CTIF: variants seen among roughly 807,000 people sequenced by gnomAD.
The protein encoded by CTIF is CBP80/20-dependent translation initiation factor.
In CTIF, 21 loss-of-function variants were observed where a neutral mutation model predicts 66.0. The ratio of observed to expected loss-of-function variants is 0.32; its 90% CI spans 0.23 to 0.46. The LOEUF (loss-of-function observed/expected upper bound fraction) is 0.46. Among genes scored for constraint, CTIF ranks in the 20% least tolerant of loss-of-function variants. The pLI is 1.00. For synonymous variants in CTIF, 345 were observed against 326.4 expected (o/e 1.06, Z -0.62); for missense variants, 739 against 812.7 (o/e 0.91, Z 1.10).
At chr18:48,546,892 G>C (rs2088764703) in intron 1 of CTIF, among the ~76,000 whole-genome samples, 1 of 152,158 alleles carries the variant, frequency 6.6e-6, no homozygotes, top group Admixed American at 6.5e-5. Flanking sequence ...GAGACCTCAG[G>C]CCTGTTAGAG....
At chr18:48,642,272 T>A (rs2090948434) in intron 3 of CTIF, among the ~76,000 whole-genome samples, 1 of 152,114 alleles carries the variant, frequency 6.6e-6, no homozygotes, top group South Asian at 2.1e-4. Context: ...CAAAGAGATG[T>A]CATCCTGGCC....
intron 2 of CTIF, among the ~76,000 whole-genome samples, chr18:48,623,865 ATGGATGGATGGC>A (rs1261833183): frequency 6.7e-6 from 1 of 148,820 alleles, no homozygotes; most frequent in African/African-American, 2.5e-5. Context: ...GGATGGATGG[ATGGATGGATGGC>A]TGGCTGGCTG....
chr18:48,718,371 C>T (rs1280582803), intron 7 of CTIF, among the ~76,000 whole-genome samples: 1 of 152,156 alleles, frequency 6.6e-6, no homozygotes, highest in African/African-American at 2.4e-5. Flanking sequence ...GGAATTGGCT[C>T]ATGAGATTAT....
chr18:48,644,000 A>T (rs1041245608), intron 3 of CTIF, among the ~76,000 whole-genome samples: 4 of 152,186 alleles, frequency 2.6e-5, no homozygotes, highest in Admixed American at 6.5e-5. Context: ...ATTAATAAAA[A>T]AGTTCTTTCT....
chr18:48,607,746 T>C (rs1304465006), intron 1 of CTIF, among the ~76,000 whole-genome samples: 5 of 152,154 alleles, frequency 3.3e-5, no homozygotes, highest in Non-Finnish European at 7.4e-5. Context: ...CTTTCCTCCC[T>C]TGAGACACTG....
intron 1 of CTIF, among the ~76,000 whole-genome samples, chr18:48,555,070 C>T (rs753269749): frequency 1.3e-5 from 2 of 152,132 alleles, no homozygotes; most frequent in Non-Finnish European, 1.5e-5. Flanking sequence ...TCCTGGCTTC[C>T]CTTCTCTGTA....
chr18:48,711,844 CTGGG>C, intron 7 of CTIF, 149 bp downstream of exon 7: 1 of 671,364 alleles, frequency 1.5e-6, no homozygotes, highest in Admixed American at 2.3e-5. Context: ...TGGTTACTGG[CTGGG>C]GATTCCCCAG....
At chr18:48,716,537 G>C (rs1598916671) in intron 7 of CTIF, among the ~76,000 whole-genome samples, 1 of 151,950 alleles carries the variant, frequency 6.6e-6, no homozygotes, top group Non-Finnish European at 1.5e-5. Flanking sequence ...AGCAGGCTCT[G>C]GAGCCAGGGA....
chr18:48,590,721 T>C (rs952592256), intron 1 of CTIF, among the ~76,000 whole-genome samples: 1 of 152,142 alleles, frequency 6.6e-6, no homozygotes, highest in African/African-American at 2.4e-5. Context: ...AGCACGCAAA[T>C]TGGGAAAAAG....
At chr18:48,689,648 G>T (rs928102896) in intron 6 of CTIF, among the ~76,000 whole-genome samples, 1 of 152,208 alleles carries the variant, frequency 6.6e-6, no homozygotes, top group African/African-American at 2.4e-5. Flanking sequence ...GCCCCTTTCA[G>T]TCTGCACTGA....
intron 7 of CTIF, among the ~76,000 whole-genome samples, chr18:48,720,441 C>T (rs1467958990): frequency 6.6e-6 from 1 of 152,078 alleles, no homozygotes; most frequent in Non-Finnish European, 1.5e-5. Flanking sequence ...CCAGGGACCG[C>T]GAGACAGATC....
At chr18:48,546,684 G>A (rs912709082) in intron 1 of CTIF, among the ~76,000 whole-genome samples, 6 of 152,064 alleles carry the variant, frequency 3.9e-5, no homozygotes, top group Non-Finnish European at 7.4e-5. Flanking sequence ...GGTTTGAGTC[G>A]TGACTGCATC....
chr18:48,711,529 T>C (rs2092223060), intron 6 of CTIF, 90 bp from the exon 7 acceptor site: 2 of 969,526 alleles, frequency 2.1e-6, no homozygotes, highest in Non-Finnish European at 3.2e-6. Flanking sequence ...CTTTCTGTCT[T>C]AGATGCTGGT....
chr18:48,619,578 T>C lies in CTIF; in HGVS notation c.13T>C (p.Ser5Pro). Reference protein sequence around the residue: MENSSAASASSEAGS... With the variant: MENSPAASASSEAGS... ...CTGAGCTGGAGGGATGGAAAACTCC[T>C]CTGCAGCATCAGCCTCCTCGGAGGC... The change falls in exon 2 of 12, where the codon TCT (serine) becomes CCT (proline). Residue 5 changes from serine (S) to proline (P), a missense_variant. Physicochemically the swap from Ser to Pro is moderately conservative, Grantham distance 74. Around this residue, in one of 2 missense-constraint regions of CTIF, gnomAD observed 529 missense variants for 520.3 expected, o/e 1.02. Transcript: ENST00000256413. 1 of 1,573,830 alleles carries C rather than the reference T, an allele frequency of 6.4e-7. No individual in the cohort carries two copies.
intron 9 of CTIF, among the ~76,000 whole-genome samples, chr18:48,787,642 G>A (rs535989927): frequency 1.3e-5 from 2 of 152,296 alleles, no homozygotes; most frequent in African/African-American, 4.8e-5. Context: ...GCCCCCTCCT[G>A]AGAAGGAAGA....
chr18:48,587,304 A>T (rs941556712), intron 1 of CTIF, among the ~76,000 whole-genome samples: 15 of 151,724 alleles, frequency 9.9e-5, no homozygotes, highest in African/African-American at 3.6e-4. Context: ...CTGGTCTCGA[A>T]CTCCTGACCT....
intron 1 of CTIF, among the ~76,000 whole-genome samples, chr18:48,582,992 G>T (rs943595643): frequency 2.6e-5 from 4 of 152,222 alleles, no homozygotes; most frequent in Admixed American, 2.0e-4. Flanking sequence ...GCAGCTGAGG[G>T]TCAGCACCTC....
chr18:48,623,677 G>A (rs2090539147), intron 2 of CTIF, among the ~76,000 whole-genome samples: 1 of 152,124 alleles, frequency 6.6e-6, no homozygotes, highest in Non-Finnish European at 1.5e-5. Context: ...AAGAAGCTTG[G>A]AAACCTTGAG....
At chr18:48,725,437 C>T (rs796350904) in intron 7 of CTIF, among the ~76,000 whole-genome samples, 2 of 152,138 alleles carry the variant, frequency 1.3e-5, no homozygotes, top group African/African-American at 2.4e-5. Context: ...AGGGGAGCCT[C>T]GGCGCCCTTT....
Sources: allele counts gnomAD v4.1 joint callset (sites outside exome capture counted in the v4.1 genomes callset), GRCh38; gene constraint gnomAD v4.1.1; regional missense constraint gnomAD v4.1.1; transcripts MANE v1.5; gene names NCBI Gene and HGNC (gene_info 2026-07-23, HGNC 2026-07-21).